CTSS: variants seen among roughly 807,000 people sequenced by gnomAD.
CTSS encodes the protein cathepsin S.
A neutral mutation model predicts 39.9 loss-of-function variants in CTSS; 15 were observed. That is an observed-to-expected ratio of 0.38 (90% CI 0.25 to 0.58). The LOEUF (loss-of-function observed/expected upper bound fraction) is 0.58, where lower values mean the gene tolerates loss of function less well. Among genes scored for constraint, CTSS ranks in the 20% least tolerant of loss-of-function variants. CTSS has a pLI of 0.70. For synonymous variants in CTSS, 126 were observed against 138.2 expected, an observed-to-expected ratio of 0.91 and a Z score of 0.62; for missense variants, 250 against 398.2, an observed-to-expected ratio of 0.63 and a Z score of 3.17.
intron 2 of CTSS, among the ~76,000 whole-genome samples, chr1:150,762,282 T>C (rs981803559): frequency 1.3e-5 from 2 of 152,048 alleles, no homozygotes; most frequent in African/African-American, 2.4e-5. Flanking sequence ...CAACTCAAAA[T>C]GAATTAAAGC....
At chr1:150,748,011 T>G (rs1048470829) in intron 6 of CTSS, 132 bp from the exon 7 acceptor site, 1 of 627,486 alleles carries the variant, frequency 1.6e-6, no homozygotes. Flanking sequence ...TAAGGACATG[T>G]CCAGGCATGG....
chr1:150,748,582 C>CTTT (rs745861762), intron 6 of CTSS, among the ~76,000 whole-genome samples: 1 of 136,368 alleles, frequency 7.3e-6, no homozygotes, highest in East Asian at 2.1e-4. Flanking sequence ...CAGATATTAG[C>CTTT]TTTTTTTTTT....
intron 4 of CTSS, 81 bp downstream of exon 4, chr1:150,754,920 T>C (rs1653085860): frequency 2.1e-6 from 3 of 1,420,038 alleles, no homozygotes; most frequent in Non-Finnish European, 9.6e-7. Context: ...GACTGTAAGA[T>C]TCACTGTCAA....
At chr1:150,747,307 G>C in intron 7 of CTSS, among the ~76,000 whole-genome samples, 1 of 152,164 alleles carries the variant, frequency 6.6e-6, no homozygotes, top group Non-Finnish European at 1.5e-5. Context: ...TAAGATATAT[G>C]TAAGTGAGTG....
intron 2 of CTSS, among the ~76,000 whole-genome samples, chr1:150,759,763 A>G (rs1457473996): frequency 6.6e-6 from 1 of 152,192 alleles, no homozygotes; most frequent in Non-Finnish European, 1.5e-5. Context: ...TGCCTCCTAC[A>G]GTAGCTGAAG....
intron 7 of CTSS, among the ~76,000 whole-genome samples, chr1:150,744,599 ATTATGTAT>A (rs1652853293): frequency 2.1e-4 from 25 of 120,294 alleles, no homozygotes; most frequent in Non-Finnish European, 2.8e-4. Flanking sequence ...ATATATGTAT[ATTATGTAT>A]TATATTATAT....
In CTSS at chr1:150,761,101, C is replaced by T. The variant is rs147264770; in HGVS notation, c.127-3121G>A. On this transcript the variant is annotated intron_variant, in intron 2 of 7. Transcript: ENST00000368985. ...GGCTGAGGCAGGAGAATTGCTTGAA[C>T]CTGGGAGGCGGAGGTTGCAGTGAGC... Among the ~76,000 whole-genome samples the T allele has an allele frequency of 3.4e-3, 502 of 149,496 alleles. 18 individuals are homozygous for T. In the East Asian group the frequency reaches 0.07, roughly 21 times the overall value.
At chr1:150,743,641 TTA>T (rs1323774317) in intron 7 of CTSS, among the ~76,000 whole-genome samples, 3 of 81,252 alleles carry the variant, frequency 3.7e-5, no homozygotes, top group African/African-American at 7.0e-5. Context: ...ACATAATATA[TTA>T]TATATGTATA....
rs748069490 is a variant in CTSS, at chr1:150,755,153, A to G, written c.250-3T>C. ...AAAGACATCACTTCTTCACTGGTCT[A>G]CAAAGCAAATATACAGTCAGGCATT... is the stretch of plus-strand genomic sequence containing the variant. On this transcript the variant is annotated splice_region_variant and splice_polypyrimidine_tract_variant and intron_variant, in intron 3 of 7. Coordinates refer to ENST00000368985, the MANE Select transcript of CTSS (RefSeq NM_004079.5). 9.9e-6 allele frequency: 16 copies of G among 1,613,816 alleles called. No homozygotes were observed. The highest frequency in any genetic ancestry group is 1.6e-4 in the Middle Eastern group (1 of 6,084).
intron 4 of CTSS, among the ~76,000 whole-genome samples, chr1:150,752,998 A>G (rs1157013932): frequency 1.3e-5 from 2 of 151,730 alleles, no homozygotes; most frequent in African/African-American, 2.4e-5. Context: ...GGACTACAGG[A>G]GCGCACCATG....
At chr1:150,746,200 C>T (rs1652892457) in intron 7 of CTSS, among the ~76,000 whole-genome samples, 2 of 152,168 alleles carry the variant, frequency 1.3e-5, no homozygotes, top group Non-Finnish European at 2.9e-5. Context: ...TCTTAGACTT[C>T]CAGCCTCCAG....
intron 3 of CTSS, among the ~76,000 whole-genome samples, chr1:150,755,552 C>A (rs961506942): frequency 1.4e-4 from 21 of 151,920 alleles, no homozygotes; most frequent in African/African-American, 5.1e-4. Flanking sequence ...CCAGCCTGGC[C>A]AACATGGTGA....
At chr1:150,735,991 C>T (rs1270259040) in intron 7 of CTSS, among the ~76,000 whole-genome samples, 1 of 152,076 alleles carries the variant, frequency 6.6e-6, no homozygotes, top group East Asian at 1.9e-4. Context: ...ATCTCCTGAC[C>T]TTGTGATCTG....
At position 150,750,169 on chromosome 1, in the gene CTSS, A is replaced by G; in HGVS notation, c.630T>C (p.Asp210=). ...SDASYPYKAM[D]QKCQYDSKYR... ...ATTTTGAGTCATATTGACATTTCTG[A>G]TCCTGCAAAAAGAAGTATAAATATG... Residue 210 remains aspartate (D), a splice_region_variant and synonymous_variant, in exon 6 of 8, where the codon GAT becomes GAC. Coordinates refer to ENST00000368985, the MANE Select transcript of CTSS (RefSeq NM_004079.5). The G allele has an allele frequency of 6.2e-7, 1 of 1,606,862 alleles. No individual in the cohort carries two copies. Among genetic ancestry groups the G allele is most frequent in the Non-Finnish European group, 8.5e-7 (1 of 1,174,348 alleles).
chr1:150,742,379 G>A (rs1652787342), intron 7 of CTSS, among the ~76,000 whole-genome samples: 1 of 152,126 alleles, frequency 6.6e-6, no homozygotes, highest in Admixed American at 6.6e-5. Flanking sequence ...GAAAGATACA[G>A]CATATATAAA....
At chr1:150,752,540 T>G (rs1653028949) in intron 4 of CTSS, among the ~76,000 whole-genome samples, 1 of 152,188 alleles carries the variant, frequency 6.6e-6, no homozygotes, top group South Asian at 2.1e-4. Flanking sequence ...GCTGCTTTAG[T>G]TTTAAAAGGG....
intron 2 of CTSS, among the ~76,000 whole-genome samples, chr1:150,762,624 AT>A (rs991663739): frequency 5.3e-5 from 8 of 152,200 alleles, no homozygotes; most frequent in Non-Finnish European, 7.4e-5. Flanking sequence ...CTGAATAGAC[AT>A]TTCTCAAAAC....
chr1:150,751,681 A>T, intron 5 of CTSS, 100 bp downstream of exon 5: 2 of 994,344 alleles, frequency 2.0e-6, no homozygotes, highest in Non-Finnish European at 3.1e-6. Context: ...CACACACAAT[A>T]CTGCTTCTCA....
intron 7 of CTSS, among the ~76,000 whole-genome samples, chr1:150,737,107 C>CTT (rs904372997): frequency 6.8e-6 from 1 of 146,948 alleles, no homozygotes; most frequent in Admixed American, 6.8e-5. Flanking sequence ...AGTCCATCTA[C>CTT]TTTTTTTTTT....
Sources: allele counts gnomAD v4.1 joint callset (sites outside exome capture counted in the v4.1 genomes callset), GRCh38; gene constraint gnomAD v4.1.1; transcripts MANE v1.5; gene names NCBI Gene and HGNC (gene_info 2026-07-23, HGNC 2026-07-21).